Variants in ANKRD27 observed in about 807,000 individuals in gnomAD.
The protein encoded by ANKRD27 is ankyrin repeat domain-containing protein 27.
ANKRD27 carries 112 observed loss-of-function variants against 129.7 expected under a neutral mutation model. That is an observed-to-expected ratio of 0.86 (90% CI 0.74 to 1.01). The LOEUF (loss-of-function observed/expected upper bound fraction) is 1.01. Ranked by LOEUF, ANKRD27 falls within the 50% of genes least tolerant of loss-of-function variation. ANKRD27 has a pLI of 0.00. For synonymous variants in ANKRD27, 516 were observed against 511.2 expected, an observed-to-expected ratio of 1.01 and a Z score of -0.13; for missense variants, 1,258 against 1,300.5, an observed-to-expected ratio of 0.97 and a Z score of 0.50.
chr19:32,608,298 A>C (rs1403440845), intron 22 of ANKRD27: 3 of 253,808 alleles, frequency 1.2e-5, no homozygotes, highest in East Asian at 2.3e-4. Context: ...GATGTATGCC[A>C]CTGTACCTGG....
At chr19:32,650,832 C>A (rs1329584587) in intron 2 of ANKRD27, among the ~76,000 whole-genome samples, 1 of 150,954 alleles carries the variant, frequency 6.6e-6, no homozygotes, top group Admixed American at 6.6e-5. Flanking sequence ...TCACTGCACC[C>A]TCAACCTCTG....
At chr19:32,614,358 G>C (rs1397853946) in intron 22 of ANKRD27, among the ~76,000 whole-genome samples, 4 of 152,268 alleles carry the variant, frequency 2.6e-5, no homozygotes, top group African/African-American at 9.6e-5. Flanking sequence ...ATATAAAGCA[G>C]TTTAGTGTTC....
intron 22 of ANKRD27, among the ~76,000 whole-genome samples, chr19:32,609,561 G>T (rs1178473886): frequency 2.6e-5 from 4 of 151,786 alleles, no homozygotes; most frequent in Non-Finnish European, 4.4e-5. Context: ...AAAGGGACAT[G>T]CGTTAGAATT....
Position 32,614,658 on chromosome 19 carries a change from C to T in ANKRD27, c.2175+1000G>A, listed in dbSNP as rs376816460. On this transcript the variant is annotated intron_variant, in intron 22 of 28. Coordinates refer to ENST00000306065, the MANE Select transcript of ANKRD27 (RefSeq NM_032139.3). ...GGCAGAGGTTGCAGTGAGCCAAGAT[C>T]GCCCGACAGAGCAAGGCTCTATCTC... Among the ~76,000 whole-genome samples the T allele has an allele frequency of 9.9e-4, 150 of 151,586 alleles. 1 individual carries two copies. The highest frequency in any genetic ancestry group is 3.4e-3 in the Middle Eastern group (1 of 294).
At chr19:32,608,538 C>A in intron 22 of ANKRD27, 1 of 195,558 alleles carries the variant, frequency 5.1e-6, no homozygotes, top group South Asian at 7.4e-5. Flanking sequence ...AAATTAAAGG[C>A]TGAATTTTAT....
chr19:32,600,154 T>C, intron 26 of ANKRD27, 104 bp from the exon 27 acceptor site: 1 of 885,326 alleles, frequency 1.1e-6, no homozygotes, highest in Non-Finnish European at 1.7e-6. Context: ...ATTTACAAAA[T>C]TTAGAAACTG....
intron 1 of ANKRD27, chr19:32,673,439 G>A (rs1967911202): frequency 1.0e-6 from 1 of 985,388 alleles, no homozygotes; most frequent in South Asian, 4.7e-5. Flanking sequence ...AGCTCTGCAG[G>A]ATTCCTCAAA....
chr19:32,660,646 T>C (rs1967627027), intron 1 of ANKRD27, among the ~76,000 whole-genome samples: 1 of 152,196 alleles, frequency 6.6e-6, no homozygotes, highest in Non-Finnish European at 1.5e-5. Flanking sequence ...ATCTTCACCT[T>C]GTACTTCCCA....
chr19:32,615,627 C>T (rs1177699808), intron 22 of ANKRD27, 31 bp downstream of exon 22: 9 of 1,613,994 alleles, frequency 5.6e-6, no homozygotes, highest in Admixed American at 3.3e-5. Context: ...CCTACATTCC[C>T]TGACCTCCAC....
intron 3 of ANKRD27, 142 bp from the exon 4 acceptor site, chr19:32,646,757 T>C (rs1293295128): frequency 1.2e-6 from 1 of 802,474 alleles, no homozygotes; most frequent in Non-Finnish European, 1.9e-6. Flanking sequence ...ACTCTCCTGT[T>C]TTGCTCATTT....
chr19:32,652,530 G>C (rs530737573), intron 2 of ANKRD27, among the ~76,000 whole-genome samples: 7 of 151,402 alleles, frequency 4.6e-5, no homozygotes, highest in African/African-American at 1.7e-4. Context: ...AGCCGAGATC[G>C]CACCACTGCA....
chr19:32,664,302 T>C (rs1429672244), intron 1 of ANKRD27, among the ~76,000 whole-genome samples: 3 of 151,868 alleles, frequency 2.0e-5, no homozygotes, highest in Non-Finnish European at 4.4e-5. Flanking sequence ...CACAGGTATA[T>C]GTCACTGCAC....
chr19:32,661,329 A>G (rs906388903), intron 1 of ANKRD27, among the ~76,000 whole-genome samples: 14 of 151,252 alleles, frequency 9.3e-5, no homozygotes, highest in African/African-American at 3.2e-4. Context: ...AGAACTTTGG[A>G]TGTTATTTAT....
intron 12 of ANKRD27, 36 bp downstream of exon 12, chr19:32,639,320 C>A (rs1169464966): frequency 5.0e-6 from 8 of 1,613,344 alleles, no homozygotes; most frequent in Non-Finnish European, 6.8e-6. Context: ...ACCATGATGC[C>A]CACAAAGGAA....
intron 2 of ANKRD27, chr19:32,655,097 G>C (rs1391800863): frequency 6.6e-6 from 1 of 152,186 alleles, no homozygotes; most frequent in Non-Finnish European, 1.5e-5. Context: ...CAGGAGTTTT[G>C]ACCTGCTCTA....
At chr19:32,602,752 T>C (rs1971672573) in intron 25 of ANKRD27, among the ~76,000 whole-genome samples, 1 of 151,920 alleles carries the variant, frequency 6.6e-6, no homozygotes, top group Non-Finnish European at 1.5e-5. Flanking sequence ...TAGCTGGTCA[T>C]GGTGGCACAC....
At chr19:32,632,659 C>G (rs1315064631) in intron 12 of ANKRD27, among the ~76,000 whole-genome samples, 1 of 150,674 alleles carries the variant, frequency 6.6e-6, no homozygotes, top group Non-Finnish European at 1.5e-5. Flanking sequence ...TCTCGCAAGA[C>G]AGTTCAATGC....
rs1966895837 is a variant in ANKRD27 at position 32,626,962 on chromosome 19, G to A, written c.1421-135C>T. 3 of 596,438 alleles carry A rather than the reference G, an allele frequency of 5.0e-6. No individual in the cohort carries two copies. In the East Asian group the frequency reaches 9.1e-5, roughly 18 times the overall value. 36.9% of individuals were successfully genotyped at this position (596,438 alleles called of 1,614,324 possible). A position where few individuals can be genotyped will look rare whatever the true frequency, so the allele number is the denominator to read the frequency against. ...CACGGTAGATACTTTTTCTGCTAGAGAGGAACTACAGCTAATATAAAGTAA... is the reference window on the plus strand; with the variant it reads ...CACGGTAGATACTTTTTCTGCTAGAAAGGAACTACAGCTAATATAAAGTAA... On this transcript the variant is annotated intron_variant, in intron 15 of 28. Transcript: ENST00000306065.
At chr19:32,607,513 A>G in intron 23 of ANKRD27, 122 bp downstream of exon 23, 1 of 1,220,140 alleles carries the variant, frequency 8.2e-7, no homozygotes. Flanking sequence ...TCAGAATCTC[A>G]GGGCTCGGGG....
Sources: allele counts gnomAD v4.1 joint callset (sites outside exome capture counted in the v4.1 genomes callset), GRCh38; gene constraint gnomAD v4.1.1; transcripts MANE v1.5; gene names NCBI Gene and HGNC (gene_info 2026-07-23, HGNC 2026-07-21).